Variants in TRABD2B observed in about 807,000 individuals in gnomAD.
The protein encoded by TRABD2B is TraB domain containing 2B, also known as metalloprotease TIKI2.
TRABD2B carries 14 observed loss-of-function variants against 40.1 expected under a neutral mutation model. That is an observed-to-expected ratio of 0.35 (90% CI 0.23 to 0.55). The LOEUF (loss-of-function observed/expected upper bound fraction) is 0.55. TRABD2B is among the 20% of genes least tolerant of loss of function. The pLI is 0.90. For synonymous variants in TRABD2B, 263 were observed against 277.0 expected (o/e 0.95, Z 0.50); for missense variants, 541 against 648.6 (o/e 0.83, Z 1.80).
intron 2 of TRABD2B, among the ~76,000 whole-genome samples, chr1:47,982,135 C>T (rs939169174): frequency 2.6e-5 from 4 of 152,282 alleles, no homozygotes; most frequent in African/African-American, 7.2e-5. Context: ...TCTGGGTGGT[C>T]CAACCACATA....
chr1:47,895,107 C>G (rs1309999666), intron 2 of TRABD2B, among the ~76,000 whole-genome samples: 2 of 152,156 alleles, frequency 1.3e-5, no homozygotes, highest in Non-Finnish European at 2.9e-5. Context: ...CCTGCCTCAC[C>G]CCAAGGATAT....
chr1:47,775,117 T>C (rs1569891637), intron 6 of TRABD2B, 53 bp downstream of exon 6: 1 of 1,231,942 alleles, frequency 8.1e-7, no homozygotes, highest in Non-Finnish European at 1.0e-6. Flanking sequence ...CAGGGTATAC[T>C]ATCCCGGGTG....
chr1:47,918,214 T>A (rs1644855130), intron 2 of TRABD2B, among the ~76,000 whole-genome samples: 1 of 152,208 alleles, frequency 6.6e-6, no homozygotes, highest in South Asian at 2.1e-4. Context: ...CCTGTCTGTC[T>A]CCGTGGCTGG....
At chr1:47,906,383 C>T (rs752689845) in intron 2 of TRABD2B, among the ~76,000 whole-genome samples, 1 of 152,202 alleles carries the variant, frequency 6.6e-6, no homozygotes, top group Non-Finnish European at 1.5e-5. Context: ...TAAAGGTCAA[C>T]AGCAGTGAGT....
intron 2 of TRABD2B, among the ~76,000 whole-genome samples, chr1:47,871,006 T>C (rs1644132900): frequency 6.6e-6 from 1 of 152,188 alleles, no homozygotes; most frequent in Non-Finnish European, 1.5e-5. Context: ...AAAATAATCA[T>C]AATCAGGGTA....
chr1:47,897,909 G>A (rs1021170594), intron 2 of TRABD2B, among the ~76,000 whole-genome samples: 3 of 152,126 alleles, frequency 2.0e-5, no homozygotes, highest in Admixed American at 6.5e-5. Flanking sequence ...AAAGGATAGC[G>A]TTCTATACAA....
At chr1:47,770,385 G>A (rs866552786) in intron 6 of TRABD2B, among the ~76,000 whole-genome samples, 54 of 152,246 alleles carry the variant, frequency 3.5e-4, no homozygotes, top group Middle Eastern at 3.4e-3. Context: ...GGCTCCTCCC[G>A]CCTCCACACC....
At chr1:47,786,715 GT>G (rs1003563196) in intron 4 of TRABD2B, among the ~76,000 whole-genome samples, 4 of 150,962 alleles carry the variant, frequency 2.6e-5, no homozygotes, top group East Asian at 3.9e-4. Context: ...CATTTGTTTT[GT>G]TTTTTTTTAG....
intron 2 of TRABD2B, among the ~76,000 whole-genome samples, chr1:47,993,745 T>A (rs1316895659): frequency 6.6e-6 from 1 of 152,204 alleles, no homozygotes; most frequent in Admixed American, 6.5e-5. Flanking sequence ...GGGAAATTCT[T>A]TCTGCCCAGG....
At chr1:47,988,898 G>C (rs188348693) in intron 2 of TRABD2B, among the ~76,000 whole-genome samples, 43 of 152,286 alleles carry the variant, frequency 2.8e-4, no homozygotes, top group African/African-American at 1.0e-3. Flanking sequence ...CCTATGCTGT[G>C]GTCCAAATGT....
chr1:47,917,157 G>C (rs1173321390), intron 2 of TRABD2B, among the ~76,000 whole-genome samples: 5 of 152,186 alleles, frequency 3.3e-5, no homozygotes, highest in South Asian at 2.1e-4. Context: ...CCTGGAAGTT[G>C]GTGGGCCACA....
chr1:47,996,755 G>A lies in TRABD2B; in HGVS notation c.35C>T (p.Ala12Val). 2.5e-6 allele frequency: 3 copies of A among 1,218,760 alleles called. No homozygotes were observed. In the South Asian group the frequency reaches 1.2e-4, roughly 50 times the overall value. 75.5% of individuals were successfully genotyped at this position (1,218,760 alleles called of 1,614,324 possible). The change falls in exon 1 of 7, where the codon GCC becomes GTC. Residue 12 changes from alanine to valine, a missense_variant. Transcript: ENST00000606738. The surrounding 1 kb of genome is among the most constrained non-coding windows in gnomAD (Gnocchi z 4.6). ...GCGGGCGCGAGCGGTGGCGAGGAGGGCGGCGAGCAGCGGCCCCGCCAGGGC... is the reference window on the plus strand; with the variant it reads ...GCGGGCGCGAGCGGTGGCGAGGAGGACGGCGAGCAGCGGCCCCGCCAGGGC... ...HAALAGPLLA[A>V]LLATARARPQ...
chr1:47,938,656 G>C (rs1645145079), intron 2 of TRABD2B, among the ~76,000 whole-genome samples: 2 of 152,100 alleles, frequency 1.3e-5, no homozygotes, highest in Non-Finnish European at 2.9e-5. Flanking sequence ...GGAGAAGAGA[G>C]ATCTCCCACT....
chr1:47,788,109 G>A (rs986304369), intron 4 of TRABD2B, among the ~76,000 whole-genome samples: 5 of 152,026 alleles, frequency 3.3e-5, no homozygotes, highest in Non-Finnish European at 5.9e-5. Flanking sequence ...CCAGCCAAAT[G>A]GAATAATAAA....
chr1:47,804,689 C>T (rs766319391), intron 2 of TRABD2B, among the ~76,000 whole-genome samples: 3 of 152,180 alleles, frequency 2.0e-5, no homozygotes, highest in Non-Finnish European at 2.9e-5. Context: ...TAAAAACAGT[C>T]CTGGCATGTA....
At chr1:47,907,209 T>C (rs115010989) in intron 2 of TRABD2B, among the ~76,000 whole-genome samples, 6 of 152,354 alleles carry the variant, frequency 3.9e-5, no homozygotes, top group South Asian at 2.1e-4. Context: ...TCATGCTTAT[T>C]AGAAACACTT....
At chr1:47,962,778 T>G (rs1440022443) in intron 2 of TRABD2B, among the ~76,000 whole-genome samples, 1 of 152,158 alleles carries the variant, frequency 6.6e-6, no homozygotes, top group Admixed American at 6.5e-5. Context: ...CCTCTCTGTT[T>G]CTCCCCAGAT....
chr1:47,940,874 C>T (rs753719570), intron 2 of TRABD2B, among the ~76,000 whole-genome samples: 3 of 152,192 alleles, frequency 2.0e-5, no homozygotes, highest in Non-Finnish European at 2.9e-5. Context: ...CCCATAATGG[C>T]GTATTTTCCA....
intron 2 of TRABD2B, among the ~76,000 whole-genome samples, chr1:47,979,239 T>C (rs1460697424): frequency 2.6e-5 from 4 of 152,176 alleles, no homozygotes; most frequent in African/African-American, 9.6e-5. Context: ...CGATGATGTG[T>C]AGACATGGTC....
Sources: allele counts gnomAD v4.1 joint callset (sites outside exome capture counted in the v4.1 genomes callset), GRCh38; gene constraint gnomAD v4.1.1; non-coding constraint Gnocchi (gnomAD v3.1); transcripts MANE v1.5; gene names NCBI Gene and HGNC (gene_info 2026-07-23, HGNC 2026-07-21).